The following ATXN10 variants were observed in gnomAD, a reference collection of about 807,000 sequenced individuals.
The protein encoded by ATXN10 is ataxin-10.
Under a neutral mutation model 52.9 loss-of-function variants are expected in ATXN10, and 28 were observed. The observed-to-expected ratio is 0.53, with a 90% CI of 0.39 to 0.73. The LOEUF (loss-of-function observed/expected upper bound fraction) is 0.73, where lower values mean the gene tolerates loss of function less well. Ranked by LOEUF, ATXN10 falls within the 30% of genes least tolerant of loss-of-function variation. ATXN10 has a pLI of 0.00. For synonymous variants in ATXN10, 226 were observed against 221.5 expected (o/e 1.02, Z -0.18); for missense variants, 565 against 577.0 (o/e 0.98, Z 0.21).
intron 7 of ATXN10, among the ~76,000 whole-genome samples, chr22:45,736,263 A>G (rs913457359): frequency 1.3e-5 from 2 of 152,196 alleles, no homozygotes; most frequent in African/African-American, 2.4e-5. Context: ...AGTTCCACTC[A>G]TTCTTATGCC....
In ATXN10 at chr22:45,795,260, T is replaced by C. The variant is rs548589430; in HGVS notation, c.1174-11699T>C. Among the ~76,000 whole-genome samples the C allele has an allele frequency of 6.6e-5, 10 of 152,196 alleles. No individual in the cohort carries two copies. Among genetic ancestry groups the C allele is most frequent in the African/African-American group, 2.4e-4 (10 of 41,530 alleles). On this transcript the variant is annotated intron_variant, in intron 9 of 11. Transcript: ENST00000252934. This position sits in a 1 kb window ranked among gnomAD's most constrained non-coding sequence, Gnocchi z 4.6. ...AAGAACAAAGAATAGTGAAGACAAATAGAAAACAGATGGCAGAATGATAAA... is the reference window on the plus strand; with the variant it reads ...AAGAACAAAGAATAGTGAAGACAAACAGAAAACAGATGGCAGAATGATAAA...
In ATXN10 at chr22:45,683,477, TC is replaced by T. The variant is rs550966060; in HGVS notation, c.117-6232del. On this transcript the variant is annotated intron_variant, in intron 1 of 11. Transcript: ENST00000252934. The surrounding 1 kb of genome is among the most constrained non-coding windows in gnomAD (Gnocchi z 4.8). ...GGGTTCATTGAAGCCAGCCCTGACT[TC>T]CCTGTGACGTGCTCTGTATGCCTTT... Among the ~76,000 whole-genome samples the T allele has an allele frequency of 8.0e-4, 121 of 152,160 alleles. No individual in the cohort carries two copies. The highest frequency in any genetic ancestry group is 1.4e-3 in the Non-Finnish European group (95 of 68,026).
At chr22:45,822,842 AAC>A in intron 10 of ATXN10, among the ~76,000 whole-genome samples, 1 of 152,112 alleles carries the variant, frequency 6.6e-6, no homozygotes, top group Non-Finnish European at 1.5e-5. Context: ...AATATTAATA[AAC>A]ACAGTTCTGT....
chr22:45,799,774 GAAAAC>G (rs1467132947), intron 9 of ATXN10, among the ~76,000 whole-genome samples: 2 of 152,066 alleles, frequency 1.3e-5, no homozygotes, highest in Non-Finnish European at 2.9e-5. Flanking sequence ...AAACAATTTT[GAAAAC>G]AAAACAAAGA....
intron 3 of ATXN10, among the ~76,000 whole-genome samples, chr22:45,698,477 G>T (rs1482406297): frequency 6.6e-6 from 1 of 152,152 alleles, no homozygotes; most frequent in African/African-American, 2.4e-5. Flanking sequence ...TCTATTTCTT[G>T]TAGAGTTGTA....
chr22:45,771,069 C>G (rs1480894239), intron 9 of ATXN10, among the ~76,000 whole-genome samples: 1 of 152,316 alleles, frequency 6.6e-6, no homozygotes, highest in East Asian at 1.9e-4. Flanking sequence ...CATACTGTCA[C>G]AAAACCCTGC....
intron 9 of ATXN10, chr22:45,793,776 C>G (rs1469105734): frequency 7.5e-7 from 1 of 1,337,204 alleles, no homozygotes; most frequent in Non-Finnish European, 9.6e-7. Context: ...TGATGCAGGA[C>G]AGGTAAGCCC....
At chr22:45,815,810 A>C (rs1928439866) in intron 10 of ATXN10, among the ~76,000 whole-genome samples, 1 of 152,162 alleles carries the variant, frequency 6.6e-6, no homozygotes, top group South Asian at 2.1e-4. Flanking sequence ...TAAACTCCAC[A>C]CAGGTCCTTC....
In ATXN10 at chr22:45,783,155, C is replaced by A. The variant is rs1426899935; in HGVS notation, c.1174-23804C>A. Among the ~76,000 whole-genome samples, 1 of 152,102 alleles carries A rather than the reference C, an allele frequency of 6.6e-6. No homozygotes were observed. The highest frequency in any genetic ancestry group is 6.6e-5 in the Admixed American group (1 of 15,262). Reference sequence around the variant, plus strand: ...CATCACTACTCTTGTACTTTGAGGTCATTGTTAAGTAAGATAAGGGTTCCA... The same window carrying A: ...CATCACTACTCTTGTACTTTGAGGTAATTGTTAAGTAAGATAAGGGTTCCA... On this transcript the variant is annotated intron_variant, in intron 9 of 11. Coordinates refer to ENST00000252934, the MANE Select transcript of ATXN10 (RefSeq NM_013236.4). This position sits in a 1 kb window ranked among gnomAD's most constrained non-coding sequence, Gnocchi z 5.0.
intron 9 of ATXN10, among the ~76,000 whole-genome samples, chr22:45,796,021 C>T (rs1927724849): frequency 6.6e-6 from 1 of 152,204 alleles, no homozygotes; most frequent in South Asian, 2.1e-4. Flanking sequence ...GCCTGACTGC[C>T]TGCAGGGCCG....
At position 45,762,765 on chromosome 22, in the gene ATXN10, C is replaced by G. The variant is rs965133951; in HGVS notation, c.1173+22227C>G. On this transcript the variant is annotated intron_variant, in intron 9 of 11. Transcript: ENST00000252934. This position sits in a 1 kb window ranked among gnomAD's most constrained non-coding sequence, Gnocchi z 4.3. ...GCCCCAGCCATCTCTCCACATCCTC[C>G]CCTCCCTGCTGTGGAGCCCCCACTG... 6.6e-6 allele frequency among the ~76,000 whole-genome samples: 1 copy of G among 152,328 alleles called. No individual in the cohort carries two copies. The highest frequency in any genetic ancestry group is 1.9e-4 in the East Asian group (1 of 5,180).
At position 45,843,764 on chromosome 22, in the gene ATXN10, A is replaced by G; in HGVS notation, c.*93A>G. The G allele has an allele frequency of 2.4e-6, 3 of 1,273,140 alleles. No homozygotes were observed. Among genetic ancestry groups the G allele is most frequent in the Non-Finnish European group, 3.4e-6 (3 of 885,046 alleles). 78.9% of individuals were successfully genotyped at this position (1,273,140 alleles called of 1,614,324 possible). A position where few individuals can be genotyped will look rare whatever the true frequency, so the allele number is the denominator to read the frequency against. On this transcript the variant is annotated 3_prime_UTR_variant, in exon 12 of 12. Coordinates refer to ENST00000252934, the MANE Select transcript of ATXN10 (RefSeq NM_013236.4). The surrounding 1 kb of genome is among the most constrained non-coding windows in gnomAD (Gnocchi z 4.5). ...TGAAATTGCAAGTGTTTGAAGATTT[A>G]TAAGTACAAATTTGGGAACATACAA...
chr22:45,843,869 G>A lies in ATXN10; in HGVS notation c.*198G>A, dbSNP rs1929428803. The A allele has an allele frequency of 1.6e-6, 1 of 619,290 alleles. No homozygotes were observed. Among genetic ancestry groups the A allele is most frequent in the South Asian group, 2.0e-5 (1 of 50,376 alleles). 38.4% of individuals were successfully genotyped at this position (619,290 alleles called of 1,614,324 possible). On this transcript the variant is annotated 3_prime_UTR_variant, in exon 12 of 12. Transcript: ENST00000252934. This position sits in a 1 kb window ranked among gnomAD's most constrained non-coding sequence, Gnocchi z 4.5. ...TGTTCTCTTGTTTCTTTGCATTAATGTAACTGTGTGGTTTGCCTTTGTCCC... is the reference window on the plus strand; with the variant it reads ...TGTTCTCTTGTTTCTTTGCATTAATATAACTGTGTGGTTTGCCTTTGTCCC...
chr22:45,832,173 C>T (rs961813093), intron 10 of ATXN10, among the ~76,000 whole-genome samples: 1 of 152,232 alleles, frequency 6.6e-6, no homozygotes, highest in Non-Finnish European at 1.5e-5. Flanking sequence ...TACTTCAGCT[C>T]TTTCGATGAG....
Position 45,775,974 on chromosome 22 carries a change from C to T in ATXN10, c.1174-30985C>T, listed in dbSNP as rs567751550. Among the ~76,000 whole-genome samples, 4 of 152,294 alleles carry T rather than the reference C, an allele frequency of 2.6e-5. No homozygotes were observed. Among genetic ancestry groups the T allele is most frequent in the African/African-American group, 7.2e-5 (3 of 41,566 alleles). ...TGGCCACTCCACAGCCCATTGGTTC[C>T]GTCCTTGACCCACACTTGACCTGTC... is the stretch of plus-strand genomic sequence containing the variant. On this transcript the variant is annotated intron_variant, in intron 9 of 11. Transcript: ENST00000252934. The surrounding 1 kb of genome is among the most constrained non-coding windows in gnomAD (Gnocchi z 4.7).
intron 7 of ATXN10, among the ~76,000 whole-genome samples, chr22:45,737,829 G>T (rs1329052967): frequency 6.6e-6 from 1 of 151,190 alleles, no homozygotes. Context: ...CTCCCTAGTA[G>T]CTGGGATTAC....
At position 45,766,895 on chromosome 22, in the gene ATXN10, G is replaced by A. The variant is rs1480919238; in HGVS notation, c.1173+26357G>A. Among the ~76,000 whole-genome samples, 1 of 152,198 alleles carries A rather than the reference G, an allele frequency of 6.6e-6. No homozygotes were observed. The highest frequency in any genetic ancestry group is 1.5e-5 in the Non-Finnish European group (1 of 68,036). ...TACAGAAAAACGCAAAGGTGAAACA[G>A]TGCTCAACTTTGCTCATAAAAAGAA... On this transcript the variant is annotated intron_variant, in intron 9 of 11. Transcript: ENST00000252934. The surrounding 1 kb of genome is among the most constrained non-coding windows in gnomAD (Gnocchi z 4.6).
intron 9 of ATXN10, among the ~76,000 whole-genome samples, chr22:45,741,765 A>C (rs1041513836): frequency 7.9e-5 from 12 of 152,196 alleles, no homozygotes; most frequent in African/African-American, 2.9e-4. Context: ...TCCTTCTTCA[A>C]ATAGCAATTA....
rs143003755 is a variant in ATXN10, at chr22:45,683,421, C to G, written c.117-6291C>G. ...CCTGTCCAGGGTGGCTCTGTCTTGT[C>G]TCTCTGAGTCGCACTTCTCTTTTCT... On this transcript the variant is annotated intron_variant, in intron 1 of 11. Transcript: ENST00000252934. This position sits in a 1 kb window ranked among gnomAD's most constrained non-coding sequence, Gnocchi z 4.8. 2.1e-3 allele frequency among the ~76,000 whole-genome samples: 316 copies of G among 152,228 alleles called. 1 individual carries two copies. The highest frequency in any genetic ancestry group is 6.8e-3 in the Middle Eastern group (2 of 294).
Sources: gnomAD v4.1 joint callset for allele counts (sites outside exome capture counted in the v4.1 genomes callset) on GRCh38, gnomAD v4.1.1 for gene constraint, Gnocchi (gnomAD v3.1) non-coding constraint, MANE v1.5 for transcripts, NCBI Gene and HGNC (gene_info 2026-07-23, HGNC 2026-07-21) for gene names.